The following CLIC6 variants were observed in gnomAD, a reference collection of about 807,000 sequenced individuals.
The protein encoded by CLIC6 is CLIC family member 6, also known as chloride intracellular channel protein 6.
Under a neutral mutation model 49.2 loss-of-function variants are expected in CLIC6, and 39 were observed. The observed-to-expected ratio is 0.79, with a 90% CI of 0.61 to 1.04. The LOEUF (loss-of-function observed/expected upper bound fraction) is 1.04, where lower values mean the gene tolerates loss of function less well. CLIC6 is among the 50% of genes least tolerant of loss of function. CLIC6 has a pLI of 0.00. For missense variants in CLIC6, 988 were observed against 993.1 expected (o/e 0.99, Z 0.07); for synonymous variants, 446 against 433.4 (o/e 1.03, Z -0.36).
chr21:34,677,116 GC>G (rs1449195405), intron 1 of CLIC6, among the ~76,000 whole-genome samples: 3 of 152,148 alleles, frequency 2.0e-5, no homozygotes. Context: ...TGTATTGACA[GC>G]CCCACTTCCT....
intron 1 of CLIC6, among the ~76,000 whole-genome samples, chr21:34,687,430 G>A (rs1989903523): frequency 6.6e-6 from 1 of 152,184 alleles, no homozygotes; most frequent in Non-Finnish European, 1.5e-5. Context: ...CCATGTAAAA[G>A]CTTCAGTTGG....
chr21:34,697,743 T>G (rs530608816), intron 1 of CLIC6, among the ~76,000 whole-genome samples: 2 of 152,136 alleles, frequency 1.3e-5, no homozygotes, highest in African/African-American at 4.8e-5. Flanking sequence ...GCAGTGATTG[T>G]CATTTTGGGT....
At position 34,688,945 on chromosome 21, in the gene CLIC6, G is replaced by A. The variant is rs1261878233; in HGVS notation, c.1374+18183G>A. Among the ~76,000 whole-genome samples the A allele has an allele frequency of 2.0e-5, 3 of 152,128 alleles. No homozygotes were observed. In the East Asian group the frequency reaches 5.8e-4, roughly 29 times the overall value. ...TTCTAGAAATTGTGAAATAGGTTTG[G>A]CGTGGTGGTGTGAGCCACTTGTCCA... On this transcript the variant is annotated intron_variant, in intron 1 of 5. Transcript: ENST00000349499.
intron 1 of CLIC6, among the ~76,000 whole-genome samples, chr21:34,684,215 T>C (rs1303101616): frequency 2.0e-5 from 3 of 152,158 alleles, no homozygotes; most frequent in Non-Finnish European, 4.4e-5. Context: ...TAACAGTGAT[T>C]AGAACAAACA....
chr21:34,697,632 G>A (rs147597160), intron 1 of CLIC6, among the ~76,000 whole-genome samples: 1 of 152,216 alleles, frequency 6.6e-6, no homozygotes, highest in African/African-American at 2.4e-5. Flanking sequence ...AGACAATAGG[G>A]TGACCAATAA....
At chr21:34,710,224 G>A (rs1302399433) in intron 5 of CLIC6, among the ~76,000 whole-genome samples, 1 of 152,184 alleles carries the variant, frequency 6.6e-6, no homozygotes. Flanking sequence ...GCTGCAGCAA[G>A]TTAAGGAGGT....
intron 1 of CLIC6, among the ~76,000 whole-genome samples, chr21:34,671,828 A>C (rs1390807460): frequency 6.6e-6 from 1 of 152,122 alleles, no homozygotes; most frequent in African/African-American, 2.4e-5. Flanking sequence ...GAATTTTAAG[A>C]ATTGTTTGGG....
chr21:34,703,447 G>C (rs527517859), intron 1 of CLIC6, among the ~76,000 whole-genome samples: 3 of 151,984 alleles, frequency 2.0e-5, no homozygotes, highest in African/African-American at 7.3e-5. Flanking sequence ...TCAGGTCTGC[G>C]TCGGGATGCC....
At chr21:34,702,436 A>G (rs1175108801) in intron 1 of CLIC6, among the ~76,000 whole-genome samples, 1 of 152,092 alleles carries the variant, frequency 6.6e-6, no homozygotes, top group Non-Finnish European at 1.5e-5. Context: ...CCGCCATTCC[A>G]TATGCCAGAT....
rs2056088610 is a variant in CLIC6, at chr21:34,716,857, CTCT to C, written c.*376_*378del. On this transcript the variant is annotated 3_prime_UTR_variant, in exon 6 of 6. Coordinates refer to ENST00000349499, the MANE Select transcript of CLIC6 (RefSeq NM_053277.3). ...TCTCTCTCTCTCTCTCTCTCTCTCT[CTCT>C]ATCACACACACACACACACACACAC... The C allele has an allele frequency of 3.7e-5, 5 of 136,004 alleles. No homozygotes were observed. Among genetic ancestry groups the C allele is most frequent in the Non-Finnish European group, 7.0e-5 (5 of 71,318 alleles). The allele number at this position is 136,004 out of a possible 1,614,324, so 8.4% of individuals were successfully genotyped here.
chr21:34,671,977 G>T (rs564516403), intron 1 of CLIC6, among the ~76,000 whole-genome samples: 1 of 152,128 alleles, frequency 6.6e-6, no homozygotes, highest in African/African-American at 2.4e-5. Flanking sequence ...GAGCTGGAGC[G>T]CAGTGCTGCT....
intron 1 of CLIC6, among the ~76,000 whole-genome samples, chr21:34,698,455 T>G (rs1990129218): frequency 3.1e-5 from 4 of 128,702 alleles, no homozygotes; most frequent in South Asian, 4.9e-4. Flanking sequence ...AGGAAAGGGA[T>G]GGAAGGAAGA....
intron 1 of CLIC6, among the ~76,000 whole-genome samples, chr21:34,675,811 C>T (rs1302242575): frequency 2.0e-5 from 3 of 152,110 alleles, no homozygotes; most frequent in Non-Finnish European, 2.9e-5. Context: ...AATAGTGGGT[C>T]GGGTGGATGG....
intron 1 of CLIC6, among the ~76,000 whole-genome samples, chr21:34,695,007 C>A (rs1159616212): frequency 6.6e-6 from 1 of 152,238 alleles, no homozygotes; most frequent in Non-Finnish European, 1.5e-5. Flanking sequence ...CATTTTCTAT[C>A]ATTGCCATAA....
intron 1 of CLIC6, among the ~76,000 whole-genome samples, chr21:34,682,659 G>T (rs1261509552): frequency 6.6e-6 from 1 of 152,082 alleles, no homozygotes; most frequent in African/African-American, 2.4e-5. Flanking sequence ...TGATGCATGG[G>T]AAAGCAAAGT....
Position 34,669,910 on chromosome 21 carries a change from C to A in CLIC6, c.522C>A (p.Gly174=). 5 of 1,315,070 alleles carry A rather than the reference C, an allele frequency of 3.8e-6. No individual in the cohort carries two copies. Among genetic ancestry groups the A allele is most frequent in the Non-Finnish European group, 4.8e-6 (5 of 1,031,486 alleles). 81.5% of individuals were successfully genotyped at this position (1,315,070 alleles called of 1,614,324 possible). A position where few individuals can be genotyped will look rare whatever the true frequency, so the allele number is the denominator to read the frequency against. ...GPLGDNIEAE[G]PAGDSVEAEG... ...TGGGGGACAACATAGAAGCGGAGGGCCCGGCGGGCGACAGCGTAGAGGCGG... is the reference window on the plus strand; with the variant it reads ...TGGGGGACAACATAGAAGCGGAGGGACCGGCGGGCGACAGCGTAGAGGCGG... The change falls in exon 1 of 6, where the codon GGC becomes GGA. Residue 174 remains glycine (G), a synonymous_variant. Coordinates refer to ENST00000349499, the MANE Select transcript of CLIC6 (RefSeq NM_053277.3).
At chr21:34,684,503 A>G (rs1047330172) in intron 1 of CLIC6, among the ~76,000 whole-genome samples, 19 of 152,368 alleles carry the variant, frequency 1.2e-4, no homozygotes, top group Middle Eastern at 3.4e-3. Flanking sequence ...CCATGTAGAA[A>G]TAGCTACTCT....
In CLIC6 at chr21:34,707,361, T is replaced by C. The variant is rs1245088966; in HGVS notation, c.1456T>C (p.Phe486Leu). The C allele has an allele frequency of 1.9e-6, 3 of 1,613,674 alleles. No homozygotes were observed. The highest frequency in any genetic ancestry group is 2.5e-6 in the Non-Finnish European group (3 of 1,179,720). The stretch of plus-strand genomic sequence containing the variant: ...GATTCTCTGGCTGAAAGGCGTTATA[T>C]TTAATGTGACCACAGTGGACCTGAA... ...FMILWLKGVI[F>L]NVTTVDLKRK... is the part of the protein sequence containing the mutation. Residue 486 changes from phenylalanine (F) to leucine (L), a missense_variant, in exon 2 of 6, where the codon TTT becomes CTT. Coordinates refer to ENST00000349499, the MANE Select transcript of CLIC6 (RefSeq NM_053277.3).
In CLIC6 at chr21:34,669,459, T is replaced by C. The variant is rs1167660973; in HGVS notation, c.71T>C (p.Leu24Pro). 6 of 1,233,458 alleles carry C rather than the reference T, an allele frequency of 4.9e-6. No individual in the cohort carries two copies. The East Asian group carries it at 1.3e-4, about 26-fold the overall frequency. 76.4% of individuals were successfully genotyped at this position (1,233,458 alleles called of 1,614,324 possible). ...PQGPPEVPAP[L>P]AERPGEPGAA... ...GGGCCGCCGGAGGTCCCCGCGCCTC[T>C]GGCTGAGAGACCCGGAGAGCCAGGA... Residue 24 changes from leucine to proline, a missense_variant, in exon 1 of 6, where the codon CTG (leucine) becomes CCG (proline). This residue lies in a region of CLIC6 where 284 missense variants were observed against 278.6 expected (regional missense o/e 1.02). Coordinates refer to ENST00000349499, the MANE Select transcript of CLIC6 (RefSeq NM_053277.3).
Sources: allele counts gnomAD v4.1 joint callset (sites outside exome capture counted in the v4.1 genomes callset), GRCh38; gene constraint gnomAD v4.1.1; regional missense constraint gnomAD v4.1.1; transcripts MANE v1.5; gene names NCBI Gene and HGNC (gene_info 2026-07-23, HGNC 2026-07-21).